BRDT: variants seen among roughly 807,000 people sequenced by gnomAD.
The protein encoded by BRDT is bromodomain testis-specific protein.
A neutral mutation model predicts 113.9 loss-of-function variants in BRDT; 77 were observed. The ratio of observed to expected loss-of-function variants is 0.68; its 90% CI spans 0.56 to 0.82. BRDT has a LOEUF of 0.82. Ranked by LOEUF, BRDT falls within the 40% of genes least tolerant of loss-of-function variation. The probability of loss-of-function intolerance (pLI) is 0.00; values close to 1 mark genes in which losing one functional copy is unlikely to be tolerated. For synonymous variants in BRDT, 358 were observed against 366.5 expected, an observed-to-expected ratio of 0.98 and a Z score of 0.26; for missense variants, 1,027 against 1,105.4, an observed-to-expected ratio of 0.93 and a Z score of 1.01.
At chr1:91,979,894 A>G (rs1289469555) in intron 8 of BRDT, 137 bp downstream of exon 8, 2 of 660,838 alleles carry the variant, frequency 3.0e-6, no homozygotes, top group Non-Finnish European at 2.4e-6. Flanking sequence ...GCAAATTTGT[A>G]ATGTTTAATA....
At chr1:91,977,705 T>TA (rs531587291) in intron 6 of BRDT, among the ~76,000 whole-genome samples, 40,030 of 121,488 alleles carry the variant, frequency 0.33, 6,169 homozygotes, top group Non-Finnish European at 0.36. Context: ...TCGTCTCTAC[T>TA]AAAAAAAAAA....
intron 4 of BRDT, among the ~76,000 whole-genome samples, chr1:91,972,201 G>A (rs1683700030): frequency 6.6e-6 from 1 of 152,048 alleles, no homozygotes; most frequent in African/African-American, 2.4e-5. Flanking sequence ...GGAAACTACT[G>A]TGTCTTTCTT....
chr1:91,978,302 C>T lies in BRDT; in HGVS notation c.1098+6C>T. The T allele has an allele frequency of 6.2e-7, 1 of 1,613,482 alleles. No homozygotes were observed. Among genetic ancestry groups the T allele is most frequent in the Non-Finnish European group, 8.5e-7 (1 of 1,179,770 alleles). ...CAATGGCAAGAATGCTTCAGGTGAG[C>T]TGTTACTTGTGCTCTGAAGGTGTTT... On this transcript the variant is annotated splice_donor_region_variant and intron_variant, in intron 7 of 18. Coordinates refer to ENST00000399546, the MANE Select transcript of BRDT (RefSeq NM_207189.4).
chr1:91,994,733 T>C (rs1686117591), intron 15 of BRDT, among the ~76,000 whole-genome samples: 1 of 150,382 alleles, frequency 6.6e-6, no homozygotes, highest in African/African-American at 2.4e-5. Flanking sequence ...CCGGGCGCAG[T>C]GGCGGGCGCC....
chr1:91,976,473 T>G (rs1337678455), intron 5 of BRDT, 35 bp downstream of exon 5: 1 of 1,483,902 alleles, frequency 6.7e-7, no homozygotes, highest in South Asian at 1.4e-5. Flanking sequence ...CATTGCTTTT[T>G]AACACTGGAT....
At chr1:91,981,226 G>T in intron 10 of BRDT, 42 bp from the exon 11 acceptor site, 1 of 1,609,474 alleles carries the variant, frequency 6.2e-7, no homozygotes, top group Non-Finnish European at 8.5e-7. Context: ...ATTTATGTTG[G>T]TTTTTGGTTA....
intron 15 of BRDT, among the ~76,000 whole-genome samples, chr1:91,997,347 G>A (rs958954069): frequency 2.6e-5 from 4 of 152,152 alleles, no homozygotes; most frequent in East Asian, 1.9e-4. Flanking sequence ...TTGGTAAAGA[G>A]GATGGAAAGA....
intron 18 of BRDT, among the ~76,000 whole-genome samples, chr1:92,012,663 C>T (rs968618917): frequency 6.6e-6 from 1 of 152,218 alleles, no homozygotes; most frequent in African/African-American, 2.4e-5. Flanking sequence ...GTAATCCCAA[C>T]ACTTTGGGAG....
chr1:91,977,228 A>C lies in BRDT; in HGVS notation c.804A>C (p.Lys268Asn). The C allele has an allele frequency of 6.2e-7, 1 of 1,613,996 alleles. No individual in the cohort carries two copies. The highest frequency in any genetic ancestry group is 8.5e-7 in the Non-Finnish European group (1 of 1,179,982). ...AATATAATGTTGTGAAGACTGTTAAAGTAACTGAACAATTAAGGCACTGTA... is the reference window on the plus strand; with the variant it reads ...AATATAATGTTGTGAAGACTGTTAACGTAACTGAACAATTAAGGCACTGTA... ...QQQYNVVKTV[K>N]VTEQLRHCSE... is the part of the protein sequence containing the mutation. Residue 268 changes from lysine to asparagine, a missense_variant, in exon 6 of 19, where the codon AAA becomes AAC. Physicochemically the swap from Lys to Asn is moderately conservative, Grantham distance 94. Transcript: ENST00000399546.
intron 18 of BRDT, 61 bp from the exon 19 acceptor site, chr1:92,014,145 A>G (rs1688026191): frequency 1.9e-6 from 2 of 1,065,700 alleles, no homozygotes; most frequent in Non-Finnish European, 2.8e-6. Flanking sequence ...TCATTATTGT[A>G]TAGTTGTAGT....
At chr1:91,958,214 CTTT>C (rs35049237) in intron 1 of BRDT, among the ~76,000 whole-genome samples, 5 of 127,332 alleles carry the variant, frequency 3.9e-5, no homozygotes, top group Non-Finnish European at 6.4e-5. Flanking sequence ...AACTCATGCC[CTTT>C]TTTTTTTTTT....
intron 1 of BRDT, among the ~76,000 whole-genome samples, chr1:91,958,255 A>C (rs1486868616): frequency 4.0e-5 from 5 of 125,292 alleles, no homozygotes; most frequent in African/African-American, 1.2e-4. Flanking sequence ...TCACTCTGTC[A>C]CCTAGGCTGG....
Position 92,002,092 on chromosome 1 carries a change from A to C in BRDT, c.2331A>C (p.Pro777=). The C allele has an allele frequency of 6.2e-7, 1 of 1,614,092 alleles. No individual in the cohort carries two copies. The highest frequency in any genetic ancestry group is 8.5e-7 in the Non-Finnish European group (1 of 1,179,972). Residue 777 remains proline, a synonymous_variant, in exon 16 of 19, where the codon CCA becomes CCC. Transcript: ENST00000399546. Reference sequence around the variant, plus strand: ...CAAATGGCATAACTGTGATGCATCCATCTGGTGATAGTGACACAACGATGT... The same window carrying C: ...CAAATGGCATAACTGTGATGCATCCCTCTGGTGATAGTGACACAACGATGT... ...QLSNGITVMH[P]SGDSDTTMLE...
At chr1:91,954,753 T>C (rs924331134) in intron 1 of BRDT, among the ~76,000 whole-genome samples, 2 of 150,998 alleles carry the variant, frequency 1.3e-5, no homozygotes, top group Non-Finnish European at 3.0e-5. Context: ...AACCAAGAGT[T>C]TAATAAGACC....
intron 15 of BRDT, among the ~76,000 whole-genome samples, chr1:91,997,017 A>G (rs937673264): frequency 2.0e-5 from 3 of 152,220 alleles, no homozygotes; most frequent in African/African-American, 7.2e-5. Context: ...ATTCTAAGAA[A>G]CAAAACCTCC....
At chr1:92,011,640 G>A (rs1046522434) in intron 18 of BRDT, among the ~76,000 whole-genome samples, 5 of 152,042 alleles carry the variant, frequency 3.3e-5, no homozygotes, top group South Asian at 2.1e-4. Context: ...CCCTAGTTGC[G>A]GCCCAACAAC....
At chr1:91,994,031 A>G (rs996135628) in intron 14 of BRDT, 52 bp from the exon 15 acceptor site, 2 of 1,421,312 alleles carry the variant, frequency 1.4e-6, no homozygotes, top group East Asian at 2.5e-5. Flanking sequence ...TCTCTTTGGT[A>G]TACTTCTTGT....
intron 12 of BRDT, among the ~76,000 whole-genome samples, chr1:91,984,470 G>A (rs1685015432): frequency 6.6e-6 from 1 of 152,058 alleles, no homozygotes; most frequent in South Asian, 2.1e-4. Context: ...AGGAACAGAT[G>A]GCAAATTCTA....
chr1:91,980,566 G>T, intron 8 of BRDT, 77 bp from the exon 9 acceptor site: 1 of 1,222,350 alleles, frequency 8.2e-7, no homozygotes, highest in South Asian at 2.5e-5. Context: ...TCTTGACTTT[G>T]GAGTGGCTTG....
Sources: allele counts gnomAD v4.1 joint callset (sites outside exome capture counted in the v4.1 genomes callset), GRCh38; gene constraint gnomAD v4.1.1; transcripts MANE v1.5; gene names NCBI Gene and HGNC (gene_info 2026-07-23, HGNC 2026-07-21).